The following ARMC9 variants were observed in gnomAD, a reference collection of about 807,000 sequenced individuals.
The protein encoded by ARMC9 is armadillo repeat containing 9.
ARMC9 carries 94 observed loss-of-function variants against 107.0 expected under a neutral mutation model. The observed-to-expected ratio is 0.88, with a 90% CI of 0.74 to 1.04. ARMC9 has a LOEUF of 1.04. Ranked by LOEUF, ARMC9 falls within the 50% of genes least tolerant of loss-of-function variation. The pLI, the probability that ARMC9 is intolerant of heterozygous loss-of-function variation, is 0.00. For missense variants in ARMC9, 942 were observed against 1,030.1 expected, an observed-to-expected ratio of 0.91 and a Z score of 1.17; for synonymous variants, 380 against 396.9, an observed-to-expected ratio of 0.96 and a Z score of 0.51.
chr2:231,372,561 G>A lies in ARMC9; in HGVS notation c.*1026G>A, dbSNP rs2046062396. ...GACCCATCCCGCGGGGGAGGCCTGCGCACGCCCCTCACCAGGGCTGTCATC... is the reference window on the plus strand; with the variant it reads ...GACCCATCCCGCGGGGGAGGCCTGCACACGCCCCTCACCAGGGCTGTCATC... On this transcript the variant is annotated 3_prime_UTR_variant, in exon 25 of 25. Transcript: ENST00000611582. 6.6e-6 allele frequency: 1 copy of A among 152,452 alleles called. No homozygotes were observed. The highest frequency in any genetic ancestry group is 1.5e-5 in the Non-Finnish European group (1 of 68,160). The allele number at this position is 152,452 out of a possible 1,614,324, so 9.4% of individuals were successfully genotyped here.
intron 10 of ARMC9, 47 bp downstream of exon 10, chr2:231,256,667 G>C: frequency 6.3e-7 from 1 of 1,584,906 alleles, no homozygotes; most frequent in Non-Finnish European, 8.7e-7. Context: ...ACAGCAATGT[G>C]TAAAACGGGA....
intron 17 of ARMC9, chr2:231,288,545 A>G: frequency 2.2e-6 from 1 of 461,496 alleles, no homozygotes; most frequent in Non-Finnish European, 4.5e-6. Flanking sequence ...TGCGCTAGAG[A>G]GTTCAGTTGT....
chr2:231,272,890 G>A lies in ARMC9; in HGVS notation c.1211-65G>A, dbSNP rs576864268. The stretch of plus-strand genomic sequence containing the variant: ...GCAAAGTAAGTTTTCGTGGAAAGTG[G>A]TTTTGTAGCATACCAGATAAATTAT... On this transcript the variant is annotated intron_variant, in intron 13 of 24. Coordinates refer to ENST00000611582, the MANE Select transcript of ARMC9 (RefSeq NM_001352754.2). 64 of 1,568,698 alleles carry A rather than the reference G, an allele frequency of 4.1e-5. No homozygotes were observed. In the African/African-American group the frequency reaches 6.8e-4, roughly 17 times the overall value.
At chr2:231,363,832 C>T (rs1207756617) in intron 23 of ARMC9, among the ~76,000 whole-genome samples, 6 of 138,700 alleles carry the variant, frequency 4.3e-5, no homozygotes, top group Admixed American at 4.2e-4. Context: ...TGCAGTGAGC[C>T]GAGATCGCAC....
At position 231,269,881 on chromosome 2, in the gene ARMC9, C is replaced by A. The variant is rs572486121; in HGVS notation, c.1120-1101C>A. ...CCAAGCCCCGCCCCCACCCTCCCCC[C>A]CTATTTGTTTTGGCCTCCTGGTAGA... On this transcript the variant is annotated intron_variant, in intron 12 of 24. Coordinates refer to ENST00000611582, the MANE Select transcript of ARMC9 (RefSeq NM_001352754.2). 1.5e-4 allele frequency among the ~76,000 whole-genome samples: 23 copies of A among 148,830 alleles called. No homozygotes were observed. In the East Asian group the frequency reaches 3.4e-3, roughly 22 times the overall value.
chr2:231,308,632 G>A (rs148065174), intron 19 of ARMC9, among the ~76,000 whole-genome samples: 41 of 152,312 alleles, frequency 2.7e-4, no homozygotes, highest in African/African-American at 8.2e-4. Context: ...GATTTTGCAC[G>A]TGTCAGGAGG....
intron 22 of ARMC9, among the ~76,000 whole-genome samples, chr2:231,359,070 G>T (rs2045458420): frequency 6.9e-6 from 1 of 144,132 alleles, no homozygotes; most frequent in African/African-American, 2.8e-5. Flanking sequence ...GTCTTAGTTA[G>T]GGGGGTCTCC....
At chr2:231,279,511 C>CTTTTTTTTTTTTTTTTTTTTTTTTTTTTT (rs57779512) in intron 16 of ARMC9, among the ~76,000 whole-genome samples, 2 of 124,808 alleles carry the variant, frequency 1.6e-5, no homozygotes, top group Admixed American at 8.2e-5. Flanking sequence ...TTTCTTTTTT[C>CTTTTTTTTTTTTTTTTTTTTTTTTTTTTT]TTTTTTTTTT....
At chr2:231,312,256 A>G (rs990368480) in intron 19 of ARMC9, among the ~76,000 whole-genome samples, 1 of 152,086 alleles carries the variant, frequency 6.6e-6, no homozygotes, top group Non-Finnish European at 1.5e-5. Context: ...CCGCCACGTG[A>G]CTTCACTCCT....
At chr2:231,299,810 A>G (rs188290498) in intron 19 of ARMC9, among the ~76,000 whole-genome samples, 2 of 152,270 alleles carry the variant, frequency 1.3e-5, no homozygotes, top group East Asian at 3.9e-4. Context: ...AACCACTTAT[A>G]CTTTCTTGGC....
At chr2:231,253,604 C>A (rs915979396) in intron 9 of ARMC9, among the ~76,000 whole-genome samples, 6 of 152,140 alleles carry the variant, frequency 3.9e-5, no homozygotes, top group Admixed American at 2.6e-4. Flanking sequence ...GTTTATTGTG[C>A]AGGCATGTCC....
intron 10 of ARMC9, among the ~76,000 whole-genome samples, chr2:231,258,660 T>A (rs2038061662): frequency 6.6e-6 from 1 of 152,234 alleles, no homozygotes; most frequent in African/African-American, 2.4e-5. Flanking sequence ...TGGAAAGTCA[T>A]GATGCCCTCA....
In ARMC9 at chr2:231,280,646, A is replaced by G. The variant is rs147335285; in HGVS notation, c.1552-1413A>G. On this transcript the variant is annotated intron_variant, in intron 16 of 24. Coordinates refer to ENST00000611582, the MANE Select transcript of ARMC9 (RefSeq NM_001352754.2). ...AAGATGCACATAACTGACTATATGAACATTACATTTTTTGATTGGAAAAAG... is the reference window on the plus strand; with the variant it reads ...AAGATGCACATAACTGACTATATGAGCATTACATTTTTTGATTGGAAAAAG... 3.5e-3 allele frequency among the ~76,000 whole-genome samples: 527 copies of G among 152,310 alleles called. 5 individuals are homozygous for G. Among genetic ancestry groups the G allele is most frequent in the African/African-American group, 0.012 (505 of 41,576 alleles).
chr2:231,360,668 T>G lies in ARMC9; in HGVS notation c.2132-86T>G. ...GCCTGGCCTGGGGTGCGTGCTTTTC[T>G]TGGCTTTCCAACCCAGCCCACGAGA... On this transcript the variant is annotated intron_variant, in intron 22 of 24. Coordinates refer to ENST00000611582, the MANE Select transcript of ARMC9 (RefSeq NM_001352754.2). This position sits in a 1 kb window ranked among gnomAD's most constrained non-coding sequence, Gnocchi z 4.7. 1 of 1,533,492 alleles carries G rather than the reference T, an allele frequency of 6.5e-7. No individual in the cohort carries two copies. 95.0% of individuals were successfully genotyped at this position (1,533,492 alleles called of 1,614,324 possible). A position where few individuals can be genotyped will look rare whatever the true frequency, so the allele number is the denominator to read the frequency against.
intron 3 of ARMC9, among the ~76,000 whole-genome samples, chr2:231,213,027 T>C (rs1285130262): frequency 6.6e-6 from 1 of 152,252 alleles, no homozygotes; most frequent in African/African-American, 2.4e-5. Context: ...CTTTGACTTA[T>C]GTGTAACCAA....
chr2:231,200,572 G>A (rs1420051522), intron 1 of ARMC9, among the ~76,000 whole-genome samples: 1 of 152,244 alleles, frequency 6.6e-6, no homozygotes, highest in Non-Finnish European at 1.5e-5. Context: ...TACTTGGGAG[G>A]CTGAGGCAGG....
chr2:231,290,123 T>C (rs1341908206), intron 17 of ARMC9, among the ~76,000 whole-genome samples: 1 of 152,232 alleles, frequency 6.6e-6, no homozygotes, highest in East Asian at 1.9e-4. Flanking sequence ...ATACACTTTG[T>C]CTTTTAAAAA....
At chr2:231,257,219 A>G (rs1315067875) in intron 10 of ARMC9, among the ~76,000 whole-genome samples, 3 of 152,264 alleles carry the variant, frequency 2.0e-5, no homozygotes, top group Admixed American at 6.5e-5. Context: ...ATCTGCTATC[A>G]TAGTGCAATC....
intron 10 of ARMC9, among the ~76,000 whole-genome samples, chr2:231,258,104 G>T (rs2038001646): frequency 6.6e-6 from 1 of 152,146 alleles, no homozygotes; most frequent in Admixed American, 6.6e-5. Flanking sequence ...CCCATCTCCT[G>T]CCTATGTTCC....
Sources: gnomAD v4.1 joint callset for allele counts (sites outside exome capture counted in the v4.1 genomes callset) on GRCh38, gnomAD v4.1.1 for gene constraint, Gnocchi (gnomAD v3.1) non-coding constraint, MANE v1.5 for transcripts, NCBI Gene and HGNC (gene_info 2026-07-23, HGNC 2026-07-21) for gene names.